DIP2C: variants seen among roughly 807,000 people sequenced by gnomAD.
DIP2C encodes DIP2 acetate--CoA ligase C (putative).
DIP2C carries 33 observed loss-of-function variants against 192.4 expected under a neutral mutation model. The observed-to-expected ratio is 0.17, with a 90% CI of 0.13 to 0.23. DIP2C has a LOEUF of 0.23. DIP2C is among the 10% of genes least tolerant of loss of function. DIP2C has a pLI of 1.00. For missense variants in DIP2C, 1,537 were observed against 2,110.1 expected, an observed-to-expected ratio of 0.73 and a Z score of 5.32; for synonymous variants, 979 against 864.1, an observed-to-expected ratio of 1.13 and a Z score of -2.33.
intron 31 of DIP2C, among the ~76,000 whole-genome samples, chr10:313,381 T>C (rs1482176451): frequency 2.0e-5 from 3 of 152,192 alleles, no homozygotes; most frequent in Non-Finnish European, 4.4e-5. Context: ...CACATTAAAA[T>C]CCAGTTATAT....
chr10:441,444 T>C (rs1967723786), intron 3 of DIP2C, among the ~76,000 whole-genome samples: 1 of 152,196 alleles, frequency 6.6e-6, no homozygotes, highest in Non-Finnish European at 1.5e-5. Context: ...ATGGGTTGGC[T>C]GTGTCCCCAC....
chr10:686,696 C>T (rs141697246), intron 1 of DIP2C, among the ~76,000 whole-genome samples: 2 of 152,368 alleles, frequency 1.3e-5, no homozygotes, highest in African/African-American at 4.8e-5. Flanking sequence ...CTGGCCTCAC[C>T]TTCCCCTGTG....
intron 1 of DIP2C, among the ~76,000 whole-genome samples, chr10:584,075 C>G (rs1045844990): frequency 9.9e-5 from 15 of 152,196 alleles, no homozygotes; most frequent in Middle Eastern, 3.2e-3. Flanking sequence ...CCCTGCATCC[C>G]TTCAGCACTG....
chr10:493,220 A>G (rs1404144943), intron 1 of DIP2C, among the ~76,000 whole-genome samples: 1 of 152,190 alleles, frequency 6.6e-6, no homozygotes, highest in East Asian at 1.9e-4. Flanking sequence ...AACTTGCTAA[A>G]AACTCTTCAG....
At chr10:553,363 T>C (rs1490625551) in intron 1 of DIP2C, among the ~76,000 whole-genome samples, 3 of 152,178 alleles carry the variant, frequency 2.0e-5, no homozygotes, top group African/African-American at 7.2e-5. Context: ...AGAATTGAGT[T>C]TTCAACACAG....
intron 1 of DIP2C, among the ~76,000 whole-genome samples, chr10:513,008 A>G (rs995702467): frequency 6.6e-6 from 1 of 151,800 alleles, no homozygotes; most frequent in Admixed American, 6.6e-5. Context: ...CATCTCACGC[A>G]CACATCTGCA....
At chr10:468,468 A>G (rs1194125613) in intron 3 of DIP2C, among the ~76,000 whole-genome samples, 1 of 152,142 alleles carries the variant, frequency 6.6e-6, no homozygotes, top group Non-Finnish European at 1.5e-5. Context: ...TATTGATTAA[A>G]ACAAAGATGA....
At chr10:626,390 C>T (rs1854200735) in intron 1 of DIP2C, among the ~76,000 whole-genome samples, 2 of 149,922 alleles carry the variant, frequency 1.3e-5, no homozygotes, top group Admixed American at 6.6e-5. Context: ...CCCCCAAAGG[C>T]ACCTGGAGAA....
intron 1 of DIP2C, among the ~76,000 whole-genome samples, chr10:521,346 G>A (rs1482256225): frequency 5.3e-5 from 8 of 152,220 alleles, no homozygotes; most frequent in African/African-American, 7.2e-5. Context: ...AGGTGCCTGA[G>A]TGGGGACTCC....
At position 329,949 on chromosome 10, in the gene DIP2C, TA is replaced by T. The variant is rs949118522; in HGVS notation, c.3585-349del. Among the ~76,000 whole-genome samples, 237 of 146,728 alleles carry T rather than the reference TA, an allele frequency of 1.6e-3. 1 individual carries two copies. The highest frequency in any genetic ancestry group is 5.0e-3 in the African/African-American group (203 of 40,234). On this transcript the variant is annotated intron_variant, in intron 29 of 36. Coordinates refer to ENST00000280886, the MANE Select transcript of DIP2C (RefSeq NM_014974.3). Reference sequence around the variant, plus strand: ...AAAACACAGGGATCAAATTTCGGTTTAAAAAAAAAAAGTCCAGCTTCAGAAC... The same window carrying T: ...AAAACACAGGGATCAAATTTCGGTTTAAAAAAAAAAGTCCAGCTTCAGAAC...
At position 288,438 on chromosome 10, in the gene DIP2C, A is replaced by T. The variant is rs766593992; in HGVS notation, c.3987-17T>A. ...AAGCGGACTCTGCAAACAGAAAGAG[A>T]AAATATTCCTAGATGTGTTTGCTGT... On this transcript the variant is annotated splice_polypyrimidine_tract_variant and intron_variant, in intron 32 of 36. Transcript: ENST00000280886. 5 of 1,613,548 alleles carry T rather than the reference A, an allele frequency of 3.1e-6. No homozygotes were observed. The highest frequency in any genetic ancestry group is 3.4e-6 in the Non-Finnish European group (4 of 1,179,548).
chr10:301,414 A>AG (rs1956041052), intron 32 of DIP2C, among the ~76,000 whole-genome samples: 1 of 152,018 alleles, frequency 6.6e-6, no homozygotes, highest in Non-Finnish European at 1.5e-5. Context: ...GGGAAGGTGG[A>AG]GGGGGTCAGG....
At chr10:359,989 A>G (rs1014067046) in intron 22 of DIP2C, among the ~76,000 whole-genome samples, 1 of 152,174 alleles carries the variant, frequency 6.6e-6, no homozygotes, top group Non-Finnish European at 1.5e-5. Flanking sequence ...CTAAGAAGTC[A>G]ACTTGGAAAC....
intron 1 of DIP2C, among the ~76,000 whole-genome samples, chr10:534,673 T>A (rs1410508121): frequency 6.7e-6 from 1 of 148,284 alleles, no homozygotes; most frequent in Non-Finnish European, 1.5e-5. Context: ...TGATTATTAT[T>A]TTTTTTTTTT....
chr10:290,326 T>G (rs1358670986), intron 32 of DIP2C, among the ~76,000 whole-genome samples: 1 of 152,230 alleles, frequency 6.6e-6, no homozygotes, highest in Non-Finnish European at 1.5e-5. Flanking sequence ...AACTGGCTGT[T>G]TTAACACAGA....
rs377473164 is a variant in DIP2C at position 597,347 on chromosome 10, GAC to G, written c.85+92145_85+92146del. Among the ~76,000 whole-genome samples the G allele has an allele frequency of 4.9e-4, 74 of 152,096 alleles. 1 individual carries two copies. The East Asian group carries it at 6.6e-3, about 13-fold the overall frequency. On this transcript the variant is annotated intron_variant, in intron 1 of 36. Coordinates refer to ENST00000280886, the MANE Select transcript of DIP2C (RefSeq NM_014974.3). ...AGCCCCTGCAGCAAGCCTCCCCCTG[GAC>G]ACACACACACCGGGCTGGCTCTGTC...
At chr10:432,681 TTTGTCTCCTG>T (rs1255123490) in intron 4 of DIP2C, among the ~76,000 whole-genome samples, 1 of 152,224 alleles carries the variant, frequency 6.6e-6, no homozygotes, top group African/African-American at 2.4e-5. Context: ...TCTTTCATTA[TTTGTCTCCTG>T]CTTACTTAGA....
At chr10:615,852 G>A (rs1395181899) in intron 1 of DIP2C, among the ~76,000 whole-genome samples, 1 of 152,170 alleles carries the variant, frequency 6.6e-6, no homozygotes, top group Non-Finnish European at 1.5e-5. Flanking sequence ...AAGGGCTTTA[G>A]GAAACGACAC....
rs992841735 is a variant in DIP2C, at chr10:578,355, C to T, written c.86-91825G>A. Among the ~76,000 whole-genome samples, 11 of 152,136 alleles carry T rather than the reference C, an allele frequency of 7.2e-5. No individual in the cohort carries two copies. The South Asian group carries it at 1.0e-3, about 14-fold the overall frequency. On this transcript the variant is annotated intron_variant, in intron 1 of 36. Transcript: ENST00000280886. ...AATGAACACGTTTCCTGATGAGTGGCGACTTCTCATTTATTGAGCTGAGGG... is the reference window on the plus strand; with the variant it reads ...AATGAACACGTTTCCTGATGAGTGGTGACTTCTCATTTATTGAGCTGAGGG...
Sources: gnomAD v4.1 joint callset for allele counts (sites outside exome capture counted in the v4.1 genomes callset) on GRCh38, gnomAD v4.1.1 for gene constraint, MANE v1.5 for transcripts, NCBI Gene and HGNC (gene_info 2026-07-23, HGNC 2026-07-21) for gene names.